Variants in JPH1 observed in about 807,000 individuals in gnomAD.
JPH1 encodes junctophilin 1.
JPH1 carries 12 observed loss-of-function variants against 53.6 expected under a neutral mutation model. The ratio of observed to expected loss-of-function variants is 0.22; its 90% CI spans 0.14 to 0.36. The LOEUF is 0.36. JPH1 is among the 10% of genes least tolerant of loss of function. JPH1 has a pLI of 1.00. For missense variants in JPH1, 808 were observed against 905.5 expected, an observed-to-expected ratio of 0.89 and a Z score of 1.38; for synonymous variants, 375 against 363.8, an observed-to-expected ratio of 1.03 and a Z score of -0.35.
Position 74,244,744 on chromosome 8 carries a change from G to A in JPH1, c.1690C>T (p.Pro564Ser), listed in dbSNP as rs760910493. The change falls in exon 4 of 6, where the codon CCA becomes TCA. Residue 564 changes from proline to serine, a missense_variant. Coordinates refer to ENST00000342232, the MANE Select transcript of JPH1 (RefSeq NM_020647.4). ...CCATCGCCGTCCTCCACGTCTACTGGAGGGTGCTGGGGGGCGTTCAGCTTC... is the reference window on the plus strand; with the variant it reads ...CCATCGCCGTCCTCCACGTCTACTGAAGGGTGCTGGGGGGCGTTCAGCTTC... ...YVKLNAPQHP[P>S]VDVEDGDGSS... 1.9e-6 allele frequency: 3 copies of A among 1,614,040 alleles called. No individual in the cohort carries two copies. The highest frequency in any genetic ancestry group is 1.7e-5 in the Admixed American group (1 of 59,998).
At chr8:74,289,577 C>G (rs967351058) in intron 2 of JPH1, among the ~76,000 whole-genome samples, 3 of 152,228 alleles carry the variant, frequency 2.0e-5, no homozygotes, top group African/African-American at 7.2e-5. Context: ...ACTCTCTCCC[C>G]ATTTCTACCT....
At position 74,244,955 on chromosome 8, in the gene JPH1, TCTCGCCCCTGAG is replaced by T; in HGVS notation, c.1467_1478del (p.Ser489_Ala492del). On this transcript the variant is annotated inframe_deletion, in exon 4 of 6. Coordinates refer to ENST00000342232, the MANE Select transcript of JPH1 (RefSeq NM_020647.4). ...CCACACTCCTTTTGTCTTGGTTGAG[TCTCGCCCCTGAG>T]CTGGGGTTTTGCTTCTTCAGGGGCT... is the stretch of plus-strand genomic sequence containing the variant. 6.2e-7 allele frequency: 1 copy of T among 1,614,060 alleles called. No homozygotes were observed. The highest frequency in any genetic ancestry group is 8.5e-7 in the Non-Finnish European group (1 of 1,180,020).
At position 74,320,952 on chromosome 8, in the gene JPH1, G is replaced by A. The variant is rs778744922; in HGVS notation, c.336C>T (p.Asn112=). The stretch of plus-strand genomic sequence containing the variant: ...CCACGCCGTACCCGTCTTGCAGCCC[G>A]TTACTCCAGGTACCCTCGTAGCGAG... ...TPARYEGTWS[N]GLQDGYGVET... Residue 112 remains asparagine, a synonymous_variant, in exon 1 of 6, where the codon AAC becomes AAT. Transcript: ENST00000342232. The surrounding 1 kb of genome is among the most constrained non-coding windows in gnomAD (Gnocchi z 4.4). 9 of 1,602,746 alleles carry A rather than the reference G, an allele frequency of 5.6e-6. No individual in the cohort carries two copies. Among genetic ancestry groups the A allele is most frequent in the Non-Finnish European group, 6.0e-6 (7 of 1,174,804 alleles).
rs192334496 is a variant in JPH1, at chr8:74,243,572, G to A, written c.1905+957C>T. Among the ~76,000 whole-genome samples, 161 of 152,240 alleles carry A rather than the reference G, an allele frequency of 1.1e-3. 1 individual carries two copies. Among genetic ancestry groups the A allele is most frequent in the Admixed American group, 3.4e-3 (52 of 15,294 alleles). The stretch of plus-strand genomic sequence containing the variant: ...AAACTGATGGCTGTACTATATTCTT[G>A]TTGGCCAAGATATTAATCCACACCA... On this transcript the variant is annotated intron_variant, in intron 4 of 5. Coordinates refer to ENST00000342232, the MANE Select transcript of JPH1 (RefSeq NM_020647.4).
At chr8:74,253,305 CGAAAT>C (rs1806122525) in intron 3 of JPH1, among the ~76,000 whole-genome samples, 1 of 151,784 alleles carries the variant, frequency 6.6e-6, no homozygotes, top group South Asian at 2.1e-4. Flanking sequence ...AGGTACATAA[CGAAAT>C]GAAGGCAGAA....
intron 2 of JPH1, among the ~76,000 whole-genome samples, chr8:74,301,295 A>G (rs528730508): frequency 6.6e-6 from 1 of 152,320 alleles, no homozygotes; most frequent in South Asian, 2.1e-4. Context: ...ATGCCTTTGA[A>G]GACTCCCCAA....
chr8:74,234,895 A>G lies in JPH1; in HGVS notation c.*2156T>C, dbSNP rs1806953334. 1 of 152,636 alleles carries G rather than the reference A, an allele frequency of 6.6e-6. No individual in the cohort carries two copies. Among genetic ancestry groups the G allele is most frequent in the Non-Finnish European group, 1.5e-5 (1 of 68,036 alleles). 9.5% of individuals were successfully genotyped at this position (152,636 alleles called of 1,614,324 possible). ...ACTTCATGTGCTGTCCAAAATGTTG[A>G]GTACAGTATAACAACCCATTAGAAA... On this transcript the variant is annotated 3_prime_UTR_variant, in exon 6 of 6. Transcript: ENST00000342232.
chr8:74,308,702 G>A (rs774798768), intron 2 of JPH1, among the ~76,000 whole-genome samples: 1 of 152,118 alleles, frequency 6.6e-6, no homozygotes, highest in Non-Finnish European at 1.5e-5. Flanking sequence ...TAGACTAATG[G>A]GGAGATTTTA....
Position 74,321,046 on chromosome 8 carries a change from A to T in JPH1, c.242T>A (p.Met81Lys). ...GLGVETKGKW[M>K]YRGEWSHGFK... ...ACCATGTGACCACTCCCCCCGGTAC[A>T]TCCACTTGCCCTTCGTCTCCACCCC... Residue 81 changes from methionine (M) to lysine (K), a missense_variant, in exon 1 of 6, where the codon ATG becomes AAG. By Grantham distance (95) the Met-to-Lys change is moderately conservative (BLOSUM62 -1). Around this residue, in one of 2 missense-constraint regions of JPH1, gnomAD observed 756 missense variants for 811.9 expected, o/e 0.93. Transcript: ENST00000342232. The surrounding 1 kb of genome is among the most constrained non-coding windows in gnomAD (Gnocchi z 4.3). 6.2e-7 allele frequency: 1 copy of T among 1,613,324 alleles called. No individual in the cohort carries two copies.
intron 4 of JPH1, among the ~76,000 whole-genome samples, chr8:74,237,750 T>A (rs1388675097): frequency 6.6e-6 from 1 of 152,168 alleles, no homozygotes; most frequent in Non-Finnish European, 1.5e-5. Flanking sequence ...AAGGAACAAT[T>A]CAGGGAAAAC....
chr8:74,315,324 A>C lies in JPH1; in HGVS notation c.676T>G (p.Ser226Ala). 1 of 1,613,734 alleles carries C rather than the reference A, an allele frequency of 6.2e-7. No homozygotes were observed. The highest frequency in any genetic ancestry group is 8.5e-7 in the Non-Finnish European group (1 of 1,180,006). ...SLLGSMKLRK[S>A]ESKSSISSKR... Reference sequence around the variant, plus strand: ...CTCGAGATGGAAGACTTGGATTCGGACTTGCGAAGTTTCATGCTTCCAAGA... The same window carrying C: ...CTCGAGATGGAAGACTTGGATTCGGCCTTGCGAAGTTTCATGCTTCCAAGA... Residue 226 changes from serine (S) to alanine (A), a missense_variant, in exon 2 of 6, where the codon TCC becomes GCC. By Grantham distance (99) the Ser-to-Ala change is moderately conservative. Transcript: ENST00000342232. The surrounding 1 kb of genome is among the most constrained non-coding windows in gnomAD (Gnocchi z 6.3).
chr8:74,276,223 T>C (rs907472499), intron 2 of JPH1, among the ~76,000 whole-genome samples: 3 of 152,030 alleles, frequency 2.0e-5, no homozygotes, highest in Admixed American at 6.6e-5. Flanking sequence ...CAGGTCAAGG[T>C]TTTTAGGTAA....
At chr8:74,286,111 T>G (rs1398639768) in intron 2 of JPH1, among the ~76,000 whole-genome samples, 1 of 152,176 alleles carries the variant, frequency 6.6e-6, no homozygotes, top group Non-Finnish European at 1.5e-5. Context: ...ATGCAATGCT[T>G]CACACCCATT....
intron 2 of JPH1, among the ~76,000 whole-genome samples, chr8:74,299,477 G>T (rs765248514): frequency 6.6e-6 from 1 of 152,110 alleles, no homozygotes; most frequent in South Asian, 2.1e-4. Context: ...GATTCGAGCC[G>T]TGTTCAAATA....
intron 2 of JPH1, among the ~76,000 whole-genome samples, chr8:74,282,206 A>C (rs1197956242): frequency 6.6e-6 from 1 of 152,192 alleles, no homozygotes; most frequent in Non-Finnish European, 1.5e-5. Context: ...TGTTCTTCCC[A>C]CACTCCACTA....
chr8:74,296,293 C>T (rs1454612057), intron 2 of JPH1, among the ~76,000 whole-genome samples: 1 of 152,036 alleles, frequency 6.6e-6, no homozygotes, highest in Non-Finnish European at 1.5e-5. Flanking sequence ...CTAAAAATGA[C>T]CTATTCATAA....
chr8:74,248,624 T>C (rs1805936702), intron 3 of JPH1, among the ~76,000 whole-genome samples: 1 of 152,218 alleles, frequency 6.6e-6, no homozygotes, highest in Non-Finnish European at 1.5e-5. Flanking sequence ...GGTTCCAACG[T>C]GGCACAGTCA....
At chr8:74,246,378 T>A (rs1279950385) in intron 3 of JPH1, among the ~76,000 whole-genome samples, 2 of 152,300 alleles carry the variant, frequency 1.3e-5, no homozygotes, top group East Asian at 3.9e-4. Context: ...CACTAAAAGA[T>A]TTACAGAGGG....
rs1805790337 is a variant in JPH1, at chr8:74,244,543, T to C, written c.1891A>G (p.Lys631Glu). Residue 631 changes from lysine (K) to glutamate (E), a missense_variant, in exon 4 of 6, where the codon AAA (lysine) becomes GAA (glutamate). Coordinates refer to ENST00000342232, the MANE Select transcript of JPH1 (RefSeq NM_020647.4). ...ASNDSCPALE[K>E]EANSGPNSIM... ...GCAGTACTTACTGAATTGGCTTCTT[T>C]TTCCAAAGCAGGGCATGAATCGTTG... The C allele has an allele frequency of 6.2e-7, 1 of 1,603,846 alleles. No individual in the cohort carries two copies. The highest frequency in any genetic ancestry group is 8.5e-7 in the Non-Finnish European group (1 of 1,176,484).
Sources: allele counts gnomAD v4.1 joint callset (sites outside exome capture counted in the v4.1 genomes callset), GRCh38; gene constraint gnomAD v4.1.1; regional missense constraint gnomAD v4.1.1; non-coding constraint Gnocchi (gnomAD v3.1); transcripts MANE v1.5; gene names NCBI Gene and HGNC (gene_info 2026-07-23, HGNC 2026-07-21).